Variants in PBX3 observed in about 807,000 individuals in gnomAD.
The protein encoded by PBX3 is PBX homeobox 3.
A neutral mutation model predicts 48.5 loss-of-function variants in PBX3; 14 were observed. The ratio of observed to expected loss-of-function variants is 0.29; its 90% CI spans 0.19 to 0.45. The LOEUF (loss-of-function observed/expected upper bound fraction) is 0.45. Among genes scored for constraint, PBX3 ranks in the 20% least tolerant of loss-of-function variants. The pLI is 1.00. For synonymous variants in PBX3, 210 were observed against 200.3 expected (o/e 1.05, Z -0.41); for missense variants, 386 against 546.7 (o/e 0.71, Z 2.93).
intron 2 of PBX3, among the ~76,000 whole-genome samples, chr9:125,789,941 A>G (rs1837553886): frequency 6.6e-6 from 1 of 152,176 alleles, no homozygotes; most frequent in South Asian, 2.1e-4. Flanking sequence ...TTGAGAAGAA[A>G]TAGTGGGAGT....
chr9:125,864,764 G>A (rs1471734249), intron 2 of PBX3, among the ~76,000 whole-genome samples: 1 of 152,186 alleles, frequency 6.6e-6, no homozygotes, highest in African/African-American at 2.4e-5. Context: ...AGCTTTGCTT[G>A]CTTGCCCGTC....
intron 2 of PBX3, among the ~76,000 whole-genome samples, chr9:125,874,080 A>G (rs1029823933): frequency 2.6e-5 from 4 of 152,338 alleles, no homozygotes; most frequent in Admixed American, 2.0e-4. Flanking sequence ...CACTTTGTCA[A>G]TACATTTGAC....
At chr9:125,918,149 T>G (rs564695615) in intron 3 of PBX3, among the ~76,000 whole-genome samples, 46 of 152,312 alleles carry the variant, frequency 3.0e-4, no homozygotes, top group African/African-American at 9.9e-4. Context: ...TGGCCTGAGT[T>G]TTTTGGCTGA....
At chr9:125,922,847 A>G (rs932248439) in intron 3 of PBX3, among the ~76,000 whole-genome samples, 1 of 152,210 alleles carries the variant, frequency 6.6e-6, no homozygotes, top group Non-Finnish European at 1.5e-5. Flanking sequence ...ACTGGGATAA[A>G]GGAAAAAAAT....
chr9:125,949,307 G>C (rs957093219), intron 5 of PBX3: 2 of 1,545,190 alleles, frequency 1.3e-6, no homozygotes, highest in African/African-American at 2.7e-5. Flanking sequence ...TACAGGGCCT[G>C]GCATCTCAGG....
At chr9:125,818,201 A>AC (rs1838525620) in intron 2 of PBX3, among the ~76,000 whole-genome samples, 1 of 149,056 alleles carries the variant, frequency 6.7e-6, no homozygotes, top group Non-Finnish European at 1.5e-5. Context: ...TTTCGTCTCA[A>AC]AAAAACCAAA....
chr9:125,869,771 A>G (rs748604092), intron 2 of PBX3, among the ~76,000 whole-genome samples: 2 of 152,242 alleles, frequency 1.3e-5, no homozygotes, highest in Non-Finnish European at 2.9e-5. Flanking sequence ...TAAGAAAAAA[A>G]CAAAAACCCT....
chr9:125,750,570 T>C (rs1836343813), intron 2 of PBX3, among the ~76,000 whole-genome samples: 1 of 152,178 alleles, frequency 6.6e-6, no homozygotes, highest in Non-Finnish European at 1.5e-5. Flanking sequence ...AGAGAGAGCT[T>C]TGGTAGGGCT....
intron 2 of PBX3, among the ~76,000 whole-genome samples, chr9:125,914,137 A>C (rs541090052): frequency 6.6e-6 from 1 of 152,222 alleles, no homozygotes; most frequent in Non-Finnish European, 1.5e-5. Context: ...AACAGCAAAT[A>C]CGTTTGCCTA....
chr9:125,802,359 ATT>A (rs57805307), intron 2 of PBX3, among the ~76,000 whole-genome samples: 2 of 67,718 alleles, frequency 3.0e-5, no homozygotes, highest in Admixed American at 2.3e-4. Flanking sequence ...ACATTAGTGC[ATT>A]TTTTTTTTTT....
chr9:125,781,965 A>G (rs923322542), intron 2 of PBX3, among the ~76,000 whole-genome samples: 8 of 151,542 alleles, frequency 5.3e-5, no homozygotes, highest in Admixed American at 6.6e-5. Context: ...TTTTAATTGT[A>G]TATCATTTGA....
At chr9:125,787,794 G>A (rs569961348) in intron 2 of PBX3, among the ~76,000 whole-genome samples, 50 of 152,318 alleles carry the variant, frequency 3.3e-4, no homozygotes, top group African/African-American at 1.2e-3. Flanking sequence ...GACTGGCGGA[G>A]TAAAAGACTG....
chr9:125,819,284 T>G (rs1838574198), intron 2 of PBX3, among the ~76,000 whole-genome samples: 1 of 151,996 alleles, frequency 6.6e-6, no homozygotes, highest in Non-Finnish European at 1.5e-5. Context: ...ATCCCAGCAC[T>G]TTGGGAGGCC....
intron 2 of PBX3, among the ~76,000 whole-genome samples, chr9:125,913,573 G>T (rs1200284700): frequency 1.3e-5 from 2 of 151,954 alleles, no homozygotes; most frequent in African/African-American, 4.8e-5. Flanking sequence ...CTCTCTTATG[G>T]TGTACTTCCT....
intron 2 of PBX3, among the ~76,000 whole-genome samples, chr9:125,902,793 CATG>C (rs1192992652): frequency 1.3e-5 from 2 of 151,642 alleles, no homozygotes; most frequent in Non-Finnish European, 3.0e-5. Flanking sequence ...AATTACTGTA[CATG>C]TTGTGAAGAC....
intron 2 of PBX3, among the ~76,000 whole-genome samples, chr9:125,809,793 A>G (rs1420210570): frequency 4.6e-5 from 7 of 152,218 alleles, no homozygotes; most frequent in Non-Finnish European, 8.8e-5. Flanking sequence ...ACACTGCAAT[A>G]TAGATCACTG....
intron 3 of PBX3, among the ~76,000 whole-genome samples, chr9:125,923,633 A>G (rs1389726814): frequency 2.6e-5 from 4 of 152,144 alleles, no homozygotes; most frequent in African/African-American, 9.7e-5. Flanking sequence ...TGGGGCGAAC[A>G]TGGCTCACTG....
intron 2 of PBX3, among the ~76,000 whole-genome samples, chr9:125,883,880 T>C (rs1193973891): frequency 6.6e-6 from 1 of 152,214 alleles, no homozygotes; most frequent in Admixed American, 6.5e-5. Context: ...GTCGAGTTTC[T>C]GAGAGTTATA....
intron 5 of PBX3, among the ~76,000 whole-genome samples, chr9:125,949,079 CATGTATTTTG>C (rs1453237741): frequency 6.6e-6 from 1 of 152,176 alleles, no homozygotes; most frequent in Non-Finnish European, 1.5e-5. Flanking sequence ...CCTTTCCTAT[CATGTATTTTG>C]ATAAACTGGT....
Sources: gnomAD v4.1 joint callset for allele counts (sites outside exome capture counted in the v4.1 genomes callset) on GRCh38, gnomAD v4.1.1 for gene constraint, MANE v1.5 for transcripts, NCBI Gene and HGNC (gene_info 2026-07-23, HGNC 2026-07-21) for gene names.